Variants in RPIA observed in about 807,000 individuals in gnomAD.
The protein encoded by RPIA is ribose-5-phosphate isomerase.
A neutral mutation model predicts 37.8 loss-of-function variants in RPIA; 29 were observed. The observed-to-expected ratio is 0.77, with a 90% CI of 0.57 to 1.05. RPIA has a LOEUF of 1.05. Among genes scored for constraint, RPIA ranks in the 50% least tolerant of loss-of-function variants. RPIA has a pLI of 0.00. For missense variants in RPIA, 385 were observed against 413.6 expected, an observed-to-expected ratio of 0.93 and a Z score of 0.60; for synonymous variants, 167 against 157.0, an observed-to-expected ratio of 1.06 and a Z score of -0.48.
chr2:88,691,994 C>G lies in RPIA; in HGVS notation c.285+11C>G, dbSNP rs749415516. The G allele has an allele frequency of 1.2e-5, 19 of 1,579,494 alleles. No individual in the cohort carries two copies. Among genetic ancestry groups the G allele is most frequent in the Non-Finnish European group, 1.4e-5 (16 of 1,164,678 alleles). On this transcript the variant is annotated intron_variant, in intron 1 of 8. Transcript: ENST00000283646. ...GAGAACCACGTGAGGGTGAGCACTT[C>G]GAAACGTGGGGCGCGGGGCGCATGT...
intron 1 of RPIA, among the ~76,000 whole-genome samples, chr2:88,694,759 G>C (rs1676991226): frequency 6.6e-6 from 1 of 152,042 alleles, no homozygotes; most frequent in Non-Finnish European, 1.5e-5. Flanking sequence ...TATGTTGTCT[G>C]TTTGTACGTC....
chr2:88,742,211 A>C (rs1673390886), intron 8 of RPIA, among the ~76,000 whole-genome samples: 1 of 152,162 alleles, frequency 6.6e-6, no homozygotes. Context: ...TCTTTGATCC[A>C]TCTTGATTTG....
chr2:88,742,020 G>T (rs1370412277), intron 8 of RPIA, among the ~76,000 whole-genome samples: 1 of 152,150 alleles, frequency 6.6e-6, no homozygotes, highest in Non-Finnish European at 1.5e-5. Flanking sequence ...TTACTCTGCT[G>T]ACTGTTCCTT....
chr2:88,737,359 A>G (rs970102607), intron 7 of RPIA, among the ~76,000 whole-genome samples: 5 of 152,056 alleles, frequency 3.3e-5, no homozygotes, highest in Non-Finnish European at 7.4e-5. Flanking sequence ...ATTTTGATAT[A>G]TTTTGTCCCC....
chr2:88,714,482 C>T (rs1278773109), intron 3 of RPIA, among the ~76,000 whole-genome samples: 1 of 152,108 alleles, frequency 6.6e-6, no homozygotes, highest in Non-Finnish European at 1.5e-5. Context: ...CCTGTCTGCT[C>T]CTTTGAAGAG....
intron 8 of RPIA, among the ~76,000 whole-genome samples, chr2:88,745,931 GATTGTTTA>G (rs1424974448): frequency 6.6e-6 from 1 of 152,018 alleles, no homozygotes; most frequent in African/African-American, 2.4e-5. Context: ...TCTTATGTTT[GATTGTTTA>G]ACATAATCCC....
intron 3 of RPIA, among the ~76,000 whole-genome samples, chr2:88,707,345 C>G (rs1672910619): frequency 6.6e-6 from 1 of 151,932 alleles, no homozygotes; most frequent in Non-Finnish European, 1.5e-5. Context: ...TTAGCTTGTC[C>G]TAACATCTCA....
chr2:88,737,343 A>G (rs1299988767), intron 7 of RPIA, among the ~76,000 whole-genome samples: 1 of 152,122 alleles, frequency 6.6e-6, no homozygotes, highest in African/African-American at 2.4e-5. Context: ...ACCCTGATAC[A>G]TTTTTATTTT....
chr2:88,694,837 G>T (rs1388840566), intron 1 of RPIA, among the ~76,000 whole-genome samples: 3 of 152,140 alleles, frequency 2.0e-5, no homozygotes, highest in Non-Finnish European at 2.9e-5. Flanking sequence ...AGGTGAAGAA[G>T]AATCTGAACA....
intron 8 of RPIA, among the ~76,000 whole-genome samples, chr2:88,745,926 T>C (rs1038765871): frequency 8.5e-5 from 13 of 152,322 alleles, no homozygotes; most frequent in East Asian, 7.7e-4. Flanking sequence ...GTTATTCTTA[T>C]GTTTGATTGT....
intron 3 of RPIA, among the ~76,000 whole-genome samples, chr2:88,722,991 G>GTTTT (rs1673152954): frequency 6.6e-6 from 1 of 152,140 alleles, no homozygotes; most frequent in African/African-American, 2.4e-5. Flanking sequence ...CAAGTGCATA[G>GTTTT]TTTTTTGTTT....
intron 1 of RPIA, among the ~76,000 whole-genome samples, chr2:88,697,591 G>T (rs1672767388): frequency 6.6e-6 from 1 of 152,142 alleles, no homozygotes; most frequent in South Asian, 2.1e-4. Flanking sequence ...TGGTCTGCTT[G>T]TAGGTACCTT....
rs761057451 is a variant in RPIA at position 88,734,584 on chromosome 2, A to G, written c.495A>G (p.Val165=). 5.6e-6 allele frequency: 9 copies of G among 1,614,074 alleles called. No homozygotes were observed. Residue 165 remains valine, a synonymous_variant, in exon 5 of 9, where the codon GTA becomes GTG. Transcript: ENST00000283646. ...TTGCCATCGATGGTGCTGATGAAGT[A>G]GATGCTGATCTCAATCTCATCAAGG... ...IDLAIDGADE[V]DADLNLIKGG... is the part of the protein sequence containing the mutation.
Position 88,729,210 on chromosome 2 carries a change from A to G in RPIA, c.403-68A>G, listed in dbSNP as rs1386255377. ...AGGACTTGGGACACTTAAATCCAGA[A>G]GAATTCTGAGAATCCTTGTCATGAA... On this transcript the variant is annotated intron_variant, in intron 3 of 8. Coordinates refer to ENST00000283646, the MANE Select transcript of RPIA (RefSeq NM_144563.3). 3 of 1,547,804 alleles carry G rather than the reference A, an allele frequency of 1.9e-6. No individual in the cohort carries two copies. The Admixed American group carries it at 5.1e-5, about 26-fold the overall frequency.
At chr2:88,696,428 C>T (rs1672746601) in intron 1 of RPIA, among the ~76,000 whole-genome samples, 1 of 151,686 alleles carries the variant, frequency 6.6e-6, no homozygotes. Context: ...TCCCATAGTA[C>T]TAGCTATGTG....
At chr2:88,739,735 A>G (rs1673360139) in intron 8 of RPIA, among the ~76,000 whole-genome samples, 2 of 152,084 alleles carry the variant, frequency 1.3e-5, no homozygotes, top group Non-Finnish European at 2.9e-5. Flanking sequence ...CTCCCATTTC[A>G]GCGTCCCCAG....
chr2:88,737,778 CAA>C (rs57418305), intron 7 of RPIA, among the ~76,000 whole-genome samples, 197 bp from the exon 8 acceptor site: 14 of 140,526 alleles, frequency 1.0e-4, no homozygotes, highest in Admixed American at 1.4e-4. Flanking sequence ...CTCTCTCTCT[CAA>C]AAAAAAAAAA....
chr2:88,747,170 T>C (rs995694209), intron 8 of RPIA, among the ~76,000 whole-genome samples: 23 of 151,988 alleles, frequency 1.5e-4, no homozygotes, highest in Non-Finnish European at 8.8e-5. Flanking sequence ...TCAATGGAGT[T>C]ATGTTCCCAG....
chr2:88,744,537 A>G (rs1201625316), intron 8 of RPIA, among the ~76,000 whole-genome samples: 1 of 152,110 alleles, frequency 6.6e-6, no homozygotes, highest in East Asian at 1.9e-4. Context: ...GTTTAATTTC[A>G]TTGTTTCTTT....
Sources: gnomAD v4.1 joint callset for allele counts (sites outside exome capture counted in the v4.1 genomes callset) on GRCh38, gnomAD v4.1.1 for gene constraint, MANE v1.5 for transcripts, NCBI Gene and HGNC (gene_info 2026-07-23, HGNC 2026-07-21) for gene names.